DNMBP: variants seen among roughly 807,000 people sequenced by gnomAD.
DNMBP encodes the protein dynamin-binding protein.
In DNMBP, 87 loss-of-function variants were observed where a neutral mutation model predicts 150.0. The ratio of observed to expected loss-of-function variants is 0.58; its 90% CI spans 0.49 to 0.69. The LOEUF is 0.69. DNMBP is among the 30% of genes least tolerant of loss of function. The probability of loss-of-function intolerance (pLI) is 0.00; values close to 1 mark genes in which losing one functional copy is unlikely to be tolerated. For synonymous variants in DNMBP, 711 were observed against 750.4 expected (o/e 0.95, Z 0.86); for missense variants, 1,774 against 1,949.0 (o/e 0.91, Z 1.69).
chr10:99,961,623 T>G lies in DNMBP; in HGVS notation c.269-4418A>C, dbSNP rs552467192. Among the ~76,000 whole-genome samples the G allele has an allele frequency of 1.2e-3, 178 of 152,144 alleles. 1 individual carries two copies. Among genetic ancestry groups the G allele is most frequent in the African/African-American group, 3.5e-3 (145 of 41,502 alleles). ...GTCCAATTCCCACCATCTCACCCTTTGAAATCTTGTCCCCACGCATTATTT... is the reference window on the plus strand; with the variant it reads ...GTCCAATTCCCACCATCTCACCCTTGGAAATCTTGTCCCCACGCATTATTT... On this transcript the variant is annotated intron_variant, in intron 3 of 16. Transcript: ENST00000324109.
chr10:99,961,857 AAG>A (rs770221698), intron 3 of DNMBP, among the ~76,000 whole-genome samples: 9 of 148,636 alleles, frequency 6.1e-5, no homozygotes, highest in Non-Finnish European at 1.0e-4. Flanking sequence ...GAGCTACCAA[AAG>A]ACTTATGCTT....
chr10:99,990,431 A>T (rs1416463272), intron 1 of DNMBP, among the ~76,000 whole-genome samples: 1 of 151,938 alleles, frequency 6.6e-6, no homozygotes, highest in Non-Finnish European at 1.5e-5. Context: ...GTGCAACCAT[A>T]GTCCCAGCTA....
At chr10:99,975,814 T>C (rs1004917976) in intron 1 of DNMBP, among the ~76,000 whole-genome samples, 3 of 152,202 alleles carry the variant, frequency 2.0e-5, no homozygotes, top group African/African-American at 7.2e-5. Flanking sequence ...AGTTTCCTCA[T>C]CCAGAAAAAT....
chr10:99,929,953 A>G, intron 4 of DNMBP: 7 of 702,922 alleles, frequency 1.0e-5, no homozygotes, highest in Non-Finnish European at 1.6e-5. Flanking sequence ...TTTGCAAATA[A>G]AGCATCATAG....
intron 1 of DNMBP, among the ~76,000 whole-genome samples, chr10:99,983,468 T>C (rs1477285430): frequency 6.6e-6 from 1 of 152,214 alleles, no homozygotes; most frequent in Non-Finnish European, 1.5e-5. Context: ...TTTATGTCGC[T>C]GGAGTTCACT....
intron 4 of DNMBP, among the ~76,000 whole-genome samples, chr10:99,933,190 G>A (rs1405964670): frequency 6.6e-6 from 1 of 151,682 alleles, no homozygotes; most frequent in East Asian, 1.9e-4. Context: ...CAGCTACTCA[G>A]GAGGCTGAGG....
At chr10:99,887,764 G>A (rs532532313) in intron 12 of DNMBP, among the ~76,000 whole-genome samples, 1 of 152,124 alleles carries the variant, frequency 6.6e-6, no homozygotes, top group South Asian at 2.1e-4. Context: ...TTTCTACAAG[G>A]GATTAAACAA....
At chr10:99,963,824 G>C (rs1043281156) in intron 3 of DNMBP, among the ~76,000 whole-genome samples, 31 of 151,182 alleles carry the variant, frequency 2.1e-4, no homozygotes, top group Non-Finnish European at 3.2e-4. Context: ...TAAATGCCAG[G>C]GGAACTATGT....
intron 11 of DNMBP, among the ~76,000 whole-genome samples, chr10:99,890,885 G>A (rs2039546390): frequency 6.6e-6 from 1 of 152,138 alleles, no homozygotes; most frequent in African/African-American, 2.4e-5. Context: ...GACGTCAGCT[G>A]ATCTGCCCAC....
chr10:99,964,356 T>C (rs1398664111), intron 3 of DNMBP, among the ~76,000 whole-genome samples: 7 of 151,514 alleles, frequency 4.6e-5, no homozygotes, highest in Non-Finnish European at 7.4e-5. Flanking sequence ...ACTCCTGACC[T>C]CGTGATCCAC....
intron 3 of DNMBP, among the ~76,000 whole-genome samples, chr10:99,967,382 T>C (rs1034946527): frequency 4.6e-5 from 7 of 151,830 alleles, no homozygotes; most frequent in Non-Finnish European, 1.0e-4. Context: ...AAAAATTAGC[T>C]GGGTGTGGTG....
At chr10:99,882,884 G>A (rs1426118735) in intron 15 of DNMBP, among the ~76,000 whole-genome samples, 1 of 152,090 alleles carries the variant, frequency 6.6e-6, no homozygotes, top group Non-Finnish European at 1.5e-5. Context: ...TGGTCAACAT[G>A]GTGAAACCCC....
At chr10:99,933,442 C>G (rs1245732949) in intron 4 of DNMBP, among the ~76,000 whole-genome samples, 1 of 152,206 alleles carries the variant, frequency 6.6e-6, no homozygotes, top group Non-Finnish European at 1.5e-5. Flanking sequence ...AGCAATCCAT[C>G]AGGTAATAAA....
chr10:99,880,300 G>A lies in DNMBP; in HGVS notation c.4059C>T (p.Ser1353=), dbSNP rs760687146. Residue 1353 remains serine, a synonymous_variant, in exon 16 of 17, where the codon TCC becomes TCT. Coordinates refer to ENST00000324109, the MANE Select transcript of DNMBP (RefSeq NM_015221.4). ...LKPYNPRRSH[S]DASVGSHSST... is the part of the protein sequence containing the mutation. ...AGGAGTGGCTACCCACGGAGGCATCGGAGTGGCTGCGGCGAGGATTGTAGG... is the reference window on the plus strand; with the variant it reads ...AGGAGTGGCTACCCACGGAGGCATCAGAGTGGCTGCGGCGAGGATTGTAGG... The A allele has an allele frequency of 1.1e-5, 18 of 1,613,082 alleles. No homozygotes were observed. Among genetic ancestry groups the A allele is most frequent in the South Asian group, 2.2e-5 (2 of 91,074 alleles).
At chr10:99,895,937 C>T (rs79472936) in intron 10 of DNMBP, among the ~76,000 whole-genome samples, 1,663 of 152,300 alleles carry the variant, frequency 0.011, 28 homozygotes, top group African/African-American at 0.038. Flanking sequence ...TTACACTTAA[C>T]GTTTCCTTCT....
chr10:99,958,698 T>C (rs554600248), intron 3 of DNMBP, among the ~76,000 whole-genome samples: 3 of 152,244 alleles, frequency 2.0e-5, no homozygotes, highest in Non-Finnish European at 4.4e-5. Flanking sequence ...TTTTTTCACA[T>C]TGTATGTTGA....
Position 99,884,193 on chromosome 10 carries a change from T to G in DNMBP, c.3815A>C (p.Gln1272Pro), listed in dbSNP as rs200569120. 6.0e-5 allele frequency: 97 copies of G among 1,613,124 alleles called. No homozygotes were observed. The highest frequency in any genetic ancestry group is 1.0e-4 in the Admixed American group (6 of 60,000). ...GAGGGAGGCCCGGAGTTCTTCTGAC[T>G]GTAGCATGTAACTTGGCTGAAAGGT... ...PLLGLPSYMLQSEELRASLLA... is the reference protein window; with the variant it reads ...PLLGLPSYMLPSEELRASLLA... Residue 1272 changes from glutamine to proline, a missense_variant, in exon 15 of 17, where the codon CAG becomes CCG. Coordinates refer to ENST00000324109, the MANE Select transcript of DNMBP (RefSeq NM_015221.4).
Position 99,875,682 on chromosome 10 carries a change from G to A in DNMBP, c.*1469C>T, listed in dbSNP as rs1379104773. 4 of 152,098 alleles carry A rather than the reference G, an allele frequency of 2.6e-5. No homozygotes were observed. The highest frequency in any genetic ancestry group is 4.4e-5 in the Non-Finnish European group (3 of 68,020). 9.4% of individuals were successfully genotyped at this position (152,098 alleles called of 1,614,324 possible). ...TCTTGCATTACTGCCTTCTGACCAC[G>A]ACCAGCAGACACTGTGGATGTTAGG... On this transcript the variant is annotated 3_prime_UTR_variant, in exon 17 of 17. Transcript: ENST00000324109.
intron 4 of DNMBP, chr10:99,914,052 A>G (rs1235882069): frequency 6.7e-7 from 1 of 1,481,504 alleles, no homozygotes; most frequent in African/African-American, 1.4e-5. Flanking sequence ...ACAACCCCCC[A>G]AACTCCTTTG....
Sources: allele counts gnomAD v4.1 joint callset (sites outside exome capture counted in the v4.1 genomes callset), GRCh38; gene constraint gnomAD v4.1.1; transcripts MANE v1.5; gene names NCBI Gene and HGNC (gene_info 2026-07-23, HGNC 2026-07-21).